The following ARAP3 variants were observed in gnomAD, a reference collection of about 807,000 sequenced individuals.
ARAP3 encodes ArfGAP with RhoGAP domain, ankyrin repeat and PH domain 3.
ARAP3 carries 82 observed loss-of-function variants against 169.2 expected under a neutral mutation model. The ratio of observed to expected loss-of-function variants is 0.48; its 90% CI spans 0.41 to 0.58. The LOEUF (loss-of-function observed/expected upper bound fraction) is 0.58. Ranked by LOEUF, ARAP3 falls within the 20% of genes least tolerant of loss-of-function variation. The probability of loss-of-function intolerance (pLI) is 0.00; values close to 1 mark genes in which losing one functional copy is unlikely to be tolerated. For synonymous variants in ARAP3, 791 were observed against 800.3 expected, an observed-to-expected ratio of 0.99 and a Z score of 0.20; for missense variants, 1,764 against 2,018.0, an observed-to-expected ratio of 0.87 and a Z score of 2.41.
chr5:141,677,764 GTTTTTTGTTTTTGTT>G (rs572535437), intron 4 of ARAP3, among the ~76,000 whole-genome samples: 4,310 of 151,536 alleles, frequency 0.028, 91 homozygotes, highest in Non-Finnish European at 0.046. Flanking sequence ...GTTTTGTTTT[GTTTTTTGTTTTTGTT>G]TTTTTTGTTT....
intron 16 of ARAP3, among the ~76,000 whole-genome samples, chr5:141,668,340 G>A (rs777206776): frequency 6.6e-6 from 1 of 152,058 alleles, no homozygotes; most frequent in Non-Finnish European, 1.5e-5. Flanking sequence ...CAATCCTCCC[G>A]CCTCAGCCTC....
intron 25 of ARAP3, among the ~76,000 whole-genome samples, chr5:141,657,995 A>T (rs1291104543): frequency 6.6e-6 from 1 of 152,166 alleles, no homozygotes; most frequent in Admixed American, 6.6e-5. Context: ...TCAGGTTATT[A>T]ATGGCATTTA....
At chr5:141,674,398 T>C (rs142940489) in intron 4 of ARAP3, among the ~76,000 whole-genome samples, 324 of 152,154 alleles carry the variant, frequency 2.1e-3, no homozygotes, top group Non-Finnish European at 3.4e-3. Context: ...TACAGGCATG[T>C]GCTGGCCACC....
chr5:141,657,015 T>C (rs1446447818), intron 25 of ARAP3, among the ~76,000 whole-genome samples, 169 bp from the exon 26 acceptor site: 1 of 152,158 alleles, frequency 6.6e-6, no homozygotes, highest in Non-Finnish European at 1.5e-5. Flanking sequence ...GTGAGCATGA[T>C]ACACATGGCC....
Position 141,671,792 on chromosome 5 carries a change from CAA to C in ARAP3, c.1672-42_1672-41del. The C allele has an allele frequency of 6.2e-7, 1 of 1,601,184 alleles. No homozygotes were observed. The highest frequency in any genetic ancestry group is 1.1e-5 in the South Asian group (1 of 89,368). On this transcript the variant is annotated intron_variant, in intron 11 of 32. Transcript: ENST00000239440. This position sits in a 1 kb window ranked among gnomAD's most constrained non-coding sequence, Gnocchi z 4.9. ...GGGACAAAGGCAGGTGACAGGAACT[CAA>C]GAGTCCTCAGATGTTCCATTCCTGT... is the stretch of plus-strand genomic sequence containing the variant.
At chr5:141,677,217 T>C (rs1328734856) in intron 4 of ARAP3, among the ~76,000 whole-genome samples, 8 of 152,240 alleles carry the variant, frequency 5.3e-5, no homozygotes, top group Non-Finnish European at 1.2e-4. Flanking sequence ...AAATTACTAT[T>C]TTTTACTACA....
intron 4 of ARAP3, among the ~76,000 whole-genome samples, chr5:141,679,115 C>T (rs1282454660): frequency 6.6e-6 from 1 of 152,012 alleles, no homozygotes; most frequent in Non-Finnish European, 1.5e-5. Flanking sequence ...ATGGCGAAAC[C>T]CCATCTCTAC....
At chr5:141,661,057 TTTC>T (rs1420829322) in intron 21 of ARAP3, among the ~76,000 whole-genome samples, 1 of 150,892 alleles carries the variant, frequency 6.6e-6, no homozygotes, top group Non-Finnish European at 1.5e-5. Context: ...TTTTTCCTTT[TTTC>T]TTTTTTCTTT....
chr5:141,670,153 C>T (rs146632985), intron 14 of ARAP3, 90 bp from the exon 15 acceptor site: 2 of 1,500,646 alleles, frequency 1.3e-6, no homozygotes, highest in African/African-American at 1.4e-5. Flanking sequence ...TGTGCCAAGC[C>T]CTTTGCCCAT....
At chr5:141,654,889 A>C (rs546918091) in intron 32 of ARAP3, among the ~76,000 whole-genome samples, 1 of 151,726 alleles carries the variant, frequency 6.6e-6, no homozygotes, top group East Asian at 1.9e-4. Flanking sequence ...ACAGGCATGC[A>C]CCACCACACC....
chr5:141,655,668 G>C lies in ARAP3; in HGVS notation c.4063C>G (p.Arg1355Gly). The change falls in exon 31 of 33, where the codon CGT (arginine) becomes GGT (glycine). Residue 1355 changes from arginine to glycine, a missense_variant. By Grantham distance (125) the Arg-to-Gly change is moderately radical. This residue lies in a region of ARAP3 where 1,112 missense variants were observed against 1,285.7 expected (regional missense o/e 0.86). Transcript: ENST00000239440. ...AGGGTGGCTCCACTGTCATCCCCAC[G>C]GATAGGCAGCAAAGGCATAGTGCCA... is the stretch of plus-strand genomic sequence containing the variant. ...KFGTMPLLPI[R>G]GDDSGATLLS... is the part of the protein sequence containing the mutation. 3 of 1,614,162 alleles carry C rather than the reference G, an allele frequency of 1.9e-6. No homozygotes were observed. The highest frequency in any genetic ancestry group is 2.5e-6 in the Non-Finnish European group (3 of 1,180,016).
intron 21 of ARAP3, among the ~76,000 whole-genome samples, chr5:141,660,967 T>C (rs2099909876): frequency 6.6e-6 from 1 of 152,216 alleles, no homozygotes; most frequent in African/African-American, 2.4e-5. Flanking sequence ...TAACCATTTC[T>C]GAAGGCTTAT....
rs1170123434 is a variant in ARAP3 at position 141,673,727 on chromosome 5, C to T, written c.780G>A (p.Ser260=). 4.3e-6 allele frequency: 7 copies of T among 1,614,016 alleles called. No individual in the cohort carries two copies. The highest frequency in any genetic ancestry group is 2.7e-5 in the African/African-American group (2 of 74,890). ...LELPGDSTLL[S]PTLETEETSD... ...TGGTCTCCTCTGTTTCCAGGGTGGG[C>T]GATAAGAGGGTGGAGTCTCCAGGTA... The change falls in exon 5 of 33, where the codon TCG becomes TCA. Residue 260 remains serine, a synonymous_variant. Coordinates refer to ENST00000239440, the MANE Select transcript of ARAP3 (RefSeq NM_022481.6).
At chr5:141,658,087 C>G (rs2099909473) in intron 25 of ARAP3, among the ~76,000 whole-genome samples, 1 of 152,090 alleles carries the variant, frequency 6.6e-6, no homozygotes, top group Non-Finnish European at 1.5e-5. Flanking sequence ...CCGTGGGTCT[C>G]TCCAACATTT....
chr5:141,655,534 C>T, intron 31 of ARAP3, 87 bp downstream of exon 31: 9 of 1,604,072 alleles, frequency 5.6e-6, no homozygotes, highest in African/African-American at 1.3e-5. Flanking sequence ...TAGGGTGGCA[C>T]CAGGCTAGCA....
At chr5:141,658,105 G>A (rs1204052737) in intron 25 of ARAP3, among the ~76,000 whole-genome samples, 2 of 152,214 alleles carry the variant, frequency 1.3e-5, no homozygotes, top group Admixed American at 6.5e-5. Context: ...TTTGGAGTCT[G>A]GGCAAAAGAG....
At position 141,671,425 on chromosome 5, in the gene ARAP3, C is replaced by A; in HGVS notation, c.1855-25G>T. Reference sequence around the variant, plus strand: ...CCTGCAGGGAGGGAAGGGCCTCTGTCAGCCCCAAATCCCAAACTGAGAGCA... The same window carrying A: ...CCTGCAGGGAGGGAAGGGCCTCTGTAAGCCCCAAATCCCAAACTGAGAGCA... On this transcript the variant is annotated intron_variant, in intron 12 of 32. Transcript: ENST00000239440. This position sits in a 1 kb window ranked among gnomAD's most constrained non-coding sequence, Gnocchi z 4.9. 6.3e-7 allele frequency: 1 copy of A among 1,598,598 alleles called. No individual in the cohort carries two copies. The highest frequency in any genetic ancestry group is 8.5e-7 in the Non-Finnish European group (1 of 1,171,860).
chr5:141,672,889 C>T lies in ARAP3; in HGVS notation c.1130G>A (p.Cys377Tyr). 3 of 1,608,292 alleles carry T rather than the reference C, an allele frequency of 1.9e-6. No individual in the cohort carries two copies. The highest frequency in any genetic ancestry group is 1.1e-5 in the South Asian group (1 of 90,452). The change falls in exon 8 of 33, where the codon TGT (cysteine) becomes TAT (tyrosine). Residue 377 changes from cysteine (C) to tyrosine (Y), a missense_variant. Physicochemically the swap from Cys to Tyr is radical, Grantham distance 194 (BLOSUM62 -2). Coordinates refer to ENST00000239440, the MANE Select transcript of ARAP3 (RefSeq NM_022481.6). This position sits in a 1 kb window ranked among gnomAD's most constrained non-coding sequence, Gnocchi z 4.9. ...GCCCAGGAGGCGCTGCTCCTTCAGA[C>T]AGGACTGCAGCGTGGAGCACCACAT... ...RDMWCSTLQSCLKEQRLLGHP... is the reference protein window; with the variant it reads ...RDMWCSTLQSYLKEQRLLGHP...
Position 141,656,241 on chromosome 5 carries a change from A to C in ARAP3, c.3825T>G (p.Gly1275=). ...SKPEREWPLE[G]AKVYLGIRKK... ...TGCGGATTCCCAGGTAGACCTTGGC[A>C]CCTTCCAAAGGCCACTCCCGTTCTG... The change falls in exon 28 of 33, where the codon GGT becomes GGG. Residue 1275 remains glycine (G), a synonymous_variant. Transcript: ENST00000239440. 1 of 1,614,102 alleles carries C rather than the reference A, an allele frequency of 6.2e-7. No homozygotes were observed. Among genetic ancestry groups the C allele is most frequent in the East Asian group, 2.2e-5 (1 of 44,878 alleles).
Sources: allele counts gnomAD v4.1 joint callset (sites outside exome capture counted in the v4.1 genomes callset), GRCh38; gene constraint gnomAD v4.1.1; regional missense constraint gnomAD v4.1.1; non-coding constraint Gnocchi (gnomAD v3.1); transcripts MANE v1.5; gene names NCBI Gene and HGNC (gene_info 2026-07-23, HGNC 2026-07-21).